The following SLC5A4 variants were observed in gnomAD, a reference collection of about 807,000 sequenced individuals.
The protein encoded by SLC5A4 is probable glucose sensor protein SLC5A4.
SLC5A4 carries 55 observed loss-of-function variants against 70.3 expected under a neutral mutation model. The observed-to-expected ratio is 0.78, with a 90% CI of 0.63 to 0.98. The LOEUF is 0.98. SLC5A4 is among the 50% of genes least tolerant of loss of function. SLC5A4 has a pLI of 0.00. For synonymous variants in SLC5A4, 268 were observed against 305.7 expected (o/e 0.88, Z 1.29); for missense variants, 735 against 839.2 (o/e 0.88, Z 1.53).
At chr22:32,248,077 T>C in intron 4 of SLC5A4, among the ~76,000 whole-genome samples, 1 of 152,160 alleles carries the variant, frequency 6.6e-6, no homozygotes, top group East Asian at 1.9e-4. Flanking sequence ...CCACATTCTA[T>C]ACTGGAAACC....
At chr22:32,253,701 C>T (rs1030526011) in intron 2 of SLC5A4, among the ~76,000 whole-genome samples, 4 of 152,106 alleles carry the variant, frequency 2.6e-5, no homozygotes, top group South Asian at 2.1e-4. Context: ...GCCATGAAGT[C>T]GGGGATTTAG....
At chr22:32,271,487 C>G in the SLC5A4 span, 1 of 734,412 alleles carries the variant, frequency 1.4e-6, no homozygotes, top group African/African-American at 1.7e-5. Context: ...TTAAGAAGGT[C>G]CTTCACAACA....
At chr22:32,257,859 G>T (rs1225943440), upstream of SLC5A4, among the ~76,000 whole-genome samples, 2 of 151,214 alleles carry the variant, frequency 1.3e-5, no homozygotes, top group African/African-American at 4.9e-5. Context: ...AGAGATGGAT[G>T]GGGTTTCACC....
chr22:32,331,559 G>A, the SLC5A4 span, among the ~76,000 whole-genome samples: 1 of 152,136 alleles, frequency 6.6e-6, no homozygotes, highest in African/African-American at 2.4e-5. Context: ...GAAGCTGGCG[G>A]GCAACCCAGC....
chr22:32,259,495 T>C (rs1428471587), upstream of SLC5A4, among the ~76,000 whole-genome samples: 1 of 152,238 alleles, frequency 6.6e-6, no homozygotes, highest in Non-Finnish European at 1.5e-5. Context: ...TAACGTGGCA[T>C]GCTACATTGA....
At chr22:32,289,235 A>G in the SLC5A4 span, among the ~76,000 whole-genome samples, 1 of 152,108 alleles carries the variant, frequency 6.6e-6, no homozygotes, top group Admixed American at 6.6e-5. Flanking sequence ...TTTTTCTATT[A>G]AAGAAAAAAT....
chr22:32,263,653 G>C, the SLC5A4 span, among the ~76,000 whole-genome samples: 1 of 152,158 alleles, frequency 6.6e-6, no homozygotes, highest in Non-Finnish European at 1.5e-5. Flanking sequence ...AATCCTCAAG[G>C]ATCTAGAACC....
the SLC5A4 span, among the ~76,000 whole-genome samples, chr22:32,301,912 G>T: frequency 6.6e-6 from 1 of 151,706 alleles, no homozygotes; most frequent in Admixed American, 6.6e-5. Flanking sequence ...ATTACAAATT[G>T]TACTGACAAT....
At chr22:32,328,382 C>G in the SLC5A4 span, among the ~76,000 whole-genome samples, 5 of 152,236 alleles carry the variant, frequency 3.3e-5, no homozygotes, top group African/African-American at 1.2e-4. Flanking sequence ...ATAGAAGTGA[C>G]AGGCATGGGA....
the SLC5A4 span, among the ~76,000 whole-genome samples, chr22:32,320,975 C>A: frequency 1.3e-5 from 2 of 152,212 alleles, no homozygotes; most frequent in Non-Finnish European, 2.9e-5. Flanking sequence ...ACTGCATTAG[C>A]ATGAGCTGCT....
chr22:32,340,734 G>A, the SLC5A4 span, among the ~76,000 whole-genome samples: 1 of 152,342 alleles, frequency 6.6e-6, no homozygotes, highest in South Asian at 2.1e-4. Context: ...CCAAGTGCCA[G>A]TGTCGGGAGA....
At chr22:32,239,570 T>TTATATATATATTTATATATATATATATA in intron 5 of SLC5A4, among the ~76,000 whole-genome samples, 1 of 10,422 alleles carries the variant, frequency 9.6e-5, no homozygotes, top group South Asian at 2.4e-3. Context: ...ATATATATAT[T>TTATATATATATTTATATATATATATATA]TATATATATA....
At chr22:32,234,515 A>G (rs947426459) in intron 8 of SLC5A4, among the ~76,000 whole-genome samples, 2 of 152,182 alleles carry the variant, frequency 1.3e-5, no homozygotes, top group African/African-American at 4.8e-5. Context: ...CCTGGCCAAC[A>G]TGGTGAAACC....
At chr22:32,327,745 A>G in the SLC5A4 span, among the ~76,000 whole-genome samples, 1 of 81,610 alleles carries the variant, frequency 1.2e-5, no homozygotes, top group African/African-American at 5.0e-5. Context: ...CGGGTTTGGG[A>G]CACAGTTGGG....
the SLC5A4 span, among the ~76,000 whole-genome samples, chr22:32,315,325 GAGA>G: frequency 2.0e-5 from 3 of 152,160 alleles, no homozygotes; most frequent in Non-Finnish European, 2.9e-5. Context: ...GGGTGGAGGT[GAGA>G]AGGAGAGAGG....
the SLC5A4 span, chr22:32,271,681 G>A: frequency 3.4e-6 from 2 of 586,640 alleles, no homozygotes; most frequent in Non-Finnish European, 3.2e-6. Context: ...GAGGGGTGCT[G>A]CGGCTGCACC....
chr22:32,342,467 CCA>C, the SLC5A4 span, among the ~76,000 whole-genome samples: 1 of 152,034 alleles, frequency 6.6e-6, no homozygotes, highest in Non-Finnish European at 1.5e-5. Flanking sequence ...GAGCTGAAAT[CCA>C]CAGACTTTAA....
chr22:32,335,837 G>A, the SLC5A4 span, among the ~76,000 whole-genome samples: 1 of 152,086 alleles, frequency 6.6e-6, no homozygotes, highest in Non-Finnish European at 1.5e-5. Context: ...CCCCTTAGAA[G>A]CTACAGGAAG....
chr22:32,321,488 C>A, the SLC5A4 span, among the ~76,000 whole-genome samples: 2 of 152,168 alleles, frequency 1.3e-5, no homozygotes, highest in Non-Finnish European at 2.9e-5. Flanking sequence ...CAGGGGTACA[C>A]GTGCAGGACG....
Sources: gnomAD v4.1 joint callset for allele counts (sites outside exome capture counted in the v4.1 genomes callset) on GRCh38, gnomAD v4.1.1 for gene constraint, MANE v1.5 for transcripts, NCBI Gene and HGNC (gene_info 2026-07-23, HGNC 2026-07-21) for gene names.